The following CERS6 variants were observed in gnomAD, a reference collection of about 807,000 sequenced individuals.
The protein encoded by CERS6 is ceramide synthase 6, also known as LAG1 homolog, ceramide synthase 6.
Under a neutral mutation model 56.8 loss-of-function variants are expected in CERS6, and 26 were observed. That is an observed-to-expected ratio of 0.46 (90% CI 0.34 to 0.63). The LOEUF (loss-of-function observed/expected upper bound fraction) is 0.63, where lower values mean the gene tolerates loss of function less well. CERS6 is among the 30% of genes least tolerant of loss of function. CERS6 has a pLI of 0.01. For synonymous variants in CERS6, 164 were observed against 173.3 expected (o/e 0.95, Z 0.42); for missense variants, 415 against 467.5 (o/e 0.89, Z 1.04).
intron 4 of CERS6, among the ~76,000 whole-genome samples, chr2:168,686,245 T>C (rs188041548): frequency 1.3e-5 from 2 of 150,492 alleles, no homozygotes; most frequent in Non-Finnish European, 2.9e-5. Flanking sequence ...AGCACGCGCG[T>C]GGAGAGGGAG....
intron 3 of CERS6, among the ~76,000 whole-genome samples, chr2:168,614,053 T>A (rs558420811): frequency 6.6e-6 from 1 of 152,308 alleles, no homozygotes; most frequent in South Asian, 2.1e-4. Context: ...TCACTGGCAT[T>A]TATTGGAAAA....
chr2:168,574,371 TG>T (rs1467759509), intron 3 of CERS6, among the ~76,000 whole-genome samples: 8 of 878 alleles, frequency 9.1e-3, no homozygotes, highest in Non-Finnish European at 0.05. Context: ...CAATAAGTTT[TG>T]TGTGTGTGTG....
intron 2 of CERS6, among the ~76,000 whole-genome samples, chr2:168,548,320 T>C (rs6433072): frequency 1 from 151,502 of 152,238 alleles, 75,387 homozygotes; most frequent in East Asian, 1. Context: ...AGGAAGGGAG[T>C]GGGAGAGAAG....
intron 8 of CERS6, among the ~76,000 whole-genome samples, chr2:168,758,858 A>T (rs1684487105): frequency 1.3e-5 from 2 of 152,102 alleles, no homozygotes; most frequent in Admixed American, 1.3e-4. Flanking sequence ...TTGCAGGGTA[A>T]AGCATAATGC....
intron 1 of CERS6, among the ~76,000 whole-genome samples, chr2:168,492,187 A>G (rs1694386270): frequency 6.6e-6 from 1 of 152,178 alleles, no homozygotes; most frequent in Non-Finnish European, 1.5e-5. Context: ...TCCTTGAGGA[A>G]TTGCCACACT....
intron 1 of CERS6, among the ~76,000 whole-genome samples, chr2:168,501,892 C>T (rs1434556128): frequency 4.6e-5 from 7 of 152,302 alleles, no homozygotes; most frequent in East Asian, 1.9e-4. Context: ...GCCCGCAGAC[C>T]TGTGGCTTAT....
At chr2:168,607,272 A>T (rs1316463049) in intron 3 of CERS6, among the ~76,000 whole-genome samples, 1 of 152,212 alleles carries the variant, frequency 6.6e-6, no homozygotes, top group Non-Finnish European at 1.5e-5. Flanking sequence ...GGTATAGGGA[A>T]TAATGTTGCA....
At chr2:168,700,902 T>C (rs7579220) in intron 6 of CERS6, among the ~76,000 whole-genome samples, 139,632 of 152,244 alleles carry the variant, frequency 0.92, 64,207 homozygotes, top group Non-Finnish European at 0.95. Context: ...ATACTGCCAG[T>C]TCTTCACCCT....
chr2:168,483,032 TA>T (rs2105333967), intron 1 of CERS6, among the ~76,000 whole-genome samples: 1 of 152,306 alleles, frequency 6.6e-6, no homozygotes, highest in South Asian at 2.1e-4. Flanking sequence ...GTAATAGGTT[TA>T]AAAATGCCCA....
chr2:168,552,910 G>A (rs1695602082), intron 2 of CERS6, among the ~76,000 whole-genome samples: 1 of 152,144 alleles, frequency 6.6e-6, no homozygotes, highest in Non-Finnish European at 1.5e-5. Context: ...CTAGAATAAT[G>A]AGGCTAAAGA....
intron 4 of CERS6, among the ~76,000 whole-genome samples, chr2:168,649,874 T>C (rs1477500166): frequency 2.0e-5 from 3 of 152,092 alleles, no homozygotes; most frequent in Non-Finnish European, 4.4e-5. Context: ...GGGTTCCCTA[T>C]TTGCTTCCCC....
chr2:168,510,132 A>T (rs1694753397), intron 1 of CERS6, among the ~76,000 whole-genome samples: 3 of 151,978 alleles, frequency 2.0e-5, no homozygotes, highest in Non-Finnish European at 4.4e-5. Flanking sequence ...ACATAGGATT[A>T]GATTCTTGCA....
intron 5 of CERS6, among the ~76,000 whole-genome samples, 185 bp downstream of exon 5, chr2:168,691,269 A>C (rs1447333515): frequency 1.3e-5 from 2 of 152,214 alleles, no homozygotes; most frequent in African/African-American, 2.4e-5. Flanking sequence ...AGTGAAGTTC[A>C]GAATCAAGGC....
At chr2:168,498,572 G>C (rs1290935714) in intron 1 of CERS6, among the ~76,000 whole-genome samples, 1 of 152,228 alleles carries the variant, frequency 6.6e-6, no homozygotes, top group Non-Finnish European at 1.5e-5. Context: ...AGGCTAACGT[G>C]TATGCAACAT....
At chr2:168,473,928 C>G (rs954597923) in intron 1 of CERS6, among the ~76,000 whole-genome samples, 2 of 152,020 alleles carry the variant, frequency 1.3e-5, no homozygotes, top group Non-Finnish European at 2.9e-5. Context: ...TGTGGTGGCA[C>G]GCACCTGTAG....
At chr2:168,629,754 A>G (rs1007162356) in intron 3 of CERS6, among the ~76,000 whole-genome samples, 1 of 152,046 alleles carries the variant, frequency 6.6e-6, no homozygotes, top group Admixed American at 6.6e-5. Context: ...ACTTGTTATC[A>G]CTCTCACCCA....
rs115786549 is a variant in CERS6, at chr2:168,649,385, G to C, written c.465+18343G>C. The stretch of plus-strand genomic sequence containing the variant: ...CCTGGTAAAAATACTCCATCTCAGC[G>C]TGAAGTCAACCCCTAAAAAACAAAC... On this transcript the variant is annotated intron_variant, in intron 4 of 9. Transcript: ENST00000305747. Among the ~76,000 whole-genome samples, 7 of 152,198 alleles carry C rather than the reference G, an allele frequency of 4.6e-5. No individual in the cohort carries two copies. In the South Asian group the frequency reaches 1.5e-3, roughly 32 times the overall value.
chr2:168,747,243 A>G (rs544978516), intron 8 of CERS6, among the ~76,000 whole-genome samples: 1 of 151,942 alleles, frequency 6.6e-6, no homozygotes. Context: ...CCATGATTGC[A>G]CCACTGCACT....
At chr2:168,765,524 G>A in intron 8 of CERS6, 68 bp from the exon 9 acceptor site, 1 of 1,522,144 alleles carries the variant, frequency 6.6e-7, no homozygotes. Flanking sequence ...CTTTAATGCA[G>A]TGACTAGAGT....
Sources: gnomAD v4.1 joint callset for allele counts (sites outside exome capture counted in the v4.1 genomes callset) on GRCh38, gnomAD v4.1.1 for gene constraint, MANE v1.5 for transcripts, NCBI Gene and HGNC (gene_info 2026-07-23, HGNC 2026-07-21) for gene names.